Variants in SLC44A2 observed in about 807,000 individuals in gnomAD.
SLC44A2 encodes the protein choline transporter-like protein 2.
A neutral mutation model predicts 90.8 loss-of-function variants in SLC44A2; 57 were observed. The observed-to-expected ratio is 0.63, with a 90% CI of 0.51 to 0.78. The LOEUF is 0.78. SLC44A2 is among the 30% of genes least tolerant of loss of function. SLC44A2 has a pLI of 0.00. For missense variants in SLC44A2, 794 were observed against 919.7 expected, an observed-to-expected ratio of 0.86 and a Z score of 1.77; for synonymous variants, 355 against 360.7, an observed-to-expected ratio of 0.98 and a Z score of 0.18.
intron 1 of SLC44A2, among the ~76,000 whole-genome samples, chr19:10,616,312 C>A (rs2066854603): frequency 6.6e-6 from 1 of 152,034 alleles, no homozygotes; most frequent in African/African-American, 2.4e-5. Context: ...CCCTCTGCAA[C>A]CTCCGTCTCC....
chr19:10,640,173 C>T (rs1177420822), intron 20 of SLC44A2, among the ~76,000 whole-genome samples: 2 of 148,088 alleles, frequency 1.4e-5, no homozygotes, highest in African/African-American at 5.1e-5. Context: ...TCACCACAAC[C>T]TCCACCTCCC....
intron 1 of SLC44A2, among the ~76,000 whole-genome samples, chr19:10,618,884 A>T (rs1490271095): frequency 6.6e-6 from 1 of 151,514 alleles, no homozygotes. Context: ...TTTTCTTCCT[A>T]ATATACATTC....
chr19:10,618,474 C>CTTT (rs3029799), intron 1 of SLC44A2, among the ~76,000 whole-genome samples: 15 of 87,332 alleles, frequency 1.7e-4, no homozygotes, highest in South Asian at 1.2e-3. Context: ...TGCGCCCGGC[C>CTTT]TTTTTTTTTT....
chr19:10,637,456 G>C, intron 16 of SLC44A2, 188 bp from the exon 17 acceptor site: 1 of 598,690 alleles, frequency 1.7e-6, no homozygotes, highest in Non-Finnish European at 3.0e-6. Flanking sequence ...CTGTCACCCA[G>C]GCTGGAGTGC....
exon 1 of SLC44A2, chr19:10,602,560 C>T (rs1324327428): frequency 7.9e-7 from 1 of 1,273,130 alleles, no homozygotes; most frequent in Non-Finnish European, 1.0e-6. Flanking sequence ...ACGGAGCCTA[C>T]GGTAGGAGCC....
In SLC44A2 at chr19:10,606,436, G is replaced by A. The variant is rs532573561; in HGVS notation, c.31+3875G>A. ...CACGCCTGTAATCCCAGCACTTTGGGAGGCCGAGGCAGGTGGATCACCTGA... is the reference window on the plus strand; with the variant it reads ...CACGCCTGTAATCCCAGCACTTTGGAAGGCCGAGGCAGGTGGATCACCTGA... On this transcript the variant is annotated intron_variant, in intron 1 of 21. Transcript: ENST00000407327. Among the ~76,000 whole-genome samples the A allele has an allele frequency of 1.2e-4, 19 of 152,274 alleles. No individual in the cohort carries two copies. In the South Asian group the frequency reaches 3.9e-3, roughly 32 times the overall value.
intron 21 of SLC44A2, 28 bp downstream of exon 21, chr19:10,642,479 C>A (rs1477759981): frequency 9.4e-6 from 15 of 1,603,268 alleles, no homozygotes; most frequent in African/African-American, 1.3e-5. Flanking sequence ...CCAAACCTTG[C>A]TGGGCCCCGA....
chr19:10,628,151 G>C, intron 4 of SLC44A2, 147 bp downstream of exon 4: 2 of 718,026 alleles, frequency 2.8e-6, no homozygotes, highest in Non-Finnish European at 2.4e-6. Flanking sequence ...TTGGGAGGCC[G>C]AGGCAGGAAT....
intron 1 of SLC44A2, among the ~76,000 whole-genome samples, chr19:10,616,023 A>C (rs1332115290): frequency 6.6e-6 from 1 of 151,892 alleles, no homozygotes; most frequent in Non-Finnish European, 1.5e-5. Context: ...TTAGCCGGGC[A>C]TGGTGACATG....
intron 4 of SLC44A2, among the ~76,000 whole-genome samples, chr19:10,630,652 C>T (rs1318907516): frequency 1.9e-4 from 20 of 103,460 alleles, no homozygotes; most frequent in Admixed American, 1.4e-3. Context: ...CAGAGCAGGA[C>T]TCCATCTAAA....
upstream of SLC44A2, among the ~76,000 whole-genome samples, chr19:10,623,729 G>T (rs1325954223): frequency 4.0e-5 from 6 of 148,156 alleles, no homozygotes; most frequent in African/African-American, 1.2e-4. Flanking sequence ...TCGCTCTGTC[G>T]CCCAGGCTGG....
chr19:10,639,502 TA>T (rs2067093925), intron 20 of SLC44A2, among the ~76,000 whole-genome samples: 1 of 151,960 alleles, frequency 6.6e-6, no homozygotes, highest in South Asian at 2.1e-4. Flanking sequence ...CTGCAGGCAA[TA>T]TCCAGGCAGA....
At chr19:10,607,061 G>A (rs1240881006) in intron 1 of SLC44A2, among the ~76,000 whole-genome samples, 4 of 151,192 alleles carry the variant, frequency 2.6e-5, no homozygotes, top group East Asian at 2.0e-4. Context: ...ACAGGCGCCC[G>A]CCACCACGCC....
chr19:10,632,066 A>G lies in SLC44A2; in HGVS notation c.733A>G (p.Met245Val). 3 of 1,614,118 alleles carry G rather than the reference A, an allele frequency of 1.9e-6. No individual in the cohort carries two copies. The highest frequency in any genetic ancestry group is 2.5e-6 in the Non-Finnish European group (3 of 1,180,022). Residue 245 changes from methionine (M) to valine (V), a missense_variant, in exon 10 of 22, where the codon ATG becomes GTG. By Grantham distance (21) the Met-to-Val change is conservative. Coordinates refer to ENST00000335757, the MANE Select transcript of SLC44A2 (RefSeq NM_020428.4). ...IIIGLVIAMA[M>V]SLLFIILLRF... ...CAGAGGCCTGGTCATTGCCATGGCGATGAGCCTCCTGTTCATCATCCTGCT... is the reference window on the plus strand; with the variant it reads ...CAGAGGCCTGGTCATTGCCATGGCGGTGAGCCTCCTGTTCATCATCCTGCT...
chr19:10,622,893 C>T (rs1455217039), upstream of SLC44A2, among the ~76,000 whole-genome samples: 2 of 152,116 alleles, frequency 1.3e-5, no homozygotes, highest in Non-Finnish European at 2.9e-5. Flanking sequence ...CAGAGTGAGA[C>T]CCTGTCTCAA....
In SLC44A2 at chr19:10,615,515, C is replaced by T. The variant is rs367693010; in HGVS notation, c.32-10738C>T. Among the ~76,000 whole-genome samples the T allele has an allele frequency of 3.3e-5, 5 of 150,940 alleles. No individual in the cohort carries two copies. The South Asian group carries it at 8.4e-4, about 25-fold the overall frequency. On this transcript the variant is annotated intron_variant, in intron 1 of 21. Transcript: ENST00000407327. ...CTTAAACCCGGGAGGCGGAAGTTGCCGTGAGCCGAGATCACACCAGTGCGC... is the reference window on the plus strand; with the variant it reads ...CTTAAACCCGGGAGGCGGAAGTTGCTGTGAGCCGAGATCACACCAGTGCGC...
intron 1 of SLC44A2, among the ~76,000 whole-genome samples, chr19:10,604,829 A>G (rs373227544): frequency 1.1e-4 from 16 of 152,222 alleles, no homozygotes; most frequent in Non-Finnish European, 1.8e-4. Flanking sequence ...AACCCAAGGC[A>G]TTGACTTGGG....
At chr19:10,623,990 A>G (rs1040382631), upstream of SLC44A2, among the ~76,000 whole-genome samples, 2 of 149,214 alleles carry the variant, frequency 1.3e-5, no homozygotes, top group Non-Finnish European at 3.0e-5. Context: ...CACCCGGCTA[A>G]TTTTTGATTT....
At chr19:10,634,912 C>G (rs1160971834) in intron 11 of SLC44A2, 25 bp downstream of exon 11, 1 of 1,614,174 alleles carries the variant, frequency 6.2e-7, no homozygotes, top group African/African-American at 1.3e-5. Context: ...CCCATTCCTG[C>G]CCCCACATGA....
Sources: allele counts gnomAD v4.1 joint callset (sites outside exome capture counted in the v4.1 genomes callset), GRCh38; gene constraint gnomAD v4.1.1; transcripts MANE v1.5; gene names NCBI Gene and HGNC (gene_info 2026-07-23, HGNC 2026-07-21).